The following ACACB variants were observed in gnomAD, a reference collection of about 807,000 sequenced individuals.
ACACB encodes the protein acetyl-CoA carboxylase 2.
In ACACB, 209 loss-of-function variants were observed where a neutral mutation model predicts 278.8. The observed-to-expected ratio is 0.75, with a 90% confidence interval of 0.67 to 0.84. The LOEUF (loss-of-function observed/expected upper bound fraction) is 0.84, where lower values mean the gene tolerates loss of function less well. ACACB is among the 40% of genes least tolerant of loss of function. The pLI, the probability that ACACB is intolerant of heterozygous loss-of-function variation, is 0.00. For synonymous variants in ACACB, 1,174 were observed against 1,285.6 expected, an observed-to-expected ratio of 0.91 and a Z score of 1.86; for missense variants, 2,850 against 3,269.0, an observed-to-expected ratio of 0.87 and a Z score of 3.13.
At chr12:109,146,569 A>G (rs1409117738) in intron 2 of ACACB, among the ~76,000 whole-genome samples, 7 of 151,664 alleles carry the variant, frequency 4.6e-5, no homozygotes, top group African/African-American at 1.7e-4. Context: ...CTTTCTCCCA[A>G]CCCCTGAACC....
upstream of ACACB, chr12:109,111,603 T>C (rs1282512475): frequency 4.6e-5 from 7 of 151,214 alleles, no homozygotes; most frequent in Admixed American, 2.0e-4. Flanking sequence ...TCGCTCAGGC[T>C]GAAGTACAGT....
chr12:109,123,045 G>C (rs1368279756), intron 1 of ACACB, among the ~76,000 whole-genome samples: 1 of 151,960 alleles, frequency 6.6e-6, no homozygotes, highest in Non-Finnish European at 1.5e-5. Flanking sequence ...GCCGGGCGTG[G>C]TGGCAGGTGC....
At position 109,168,029 on chromosome 12, in the gene ACACB, A is replaced by G. The variant is rs767124185; in HGVS notation, c.920A>G (p.Asn307Ser). The change falls in exon 4 of 53, where the codon AAC (asparagine) becomes AGC (serine). Residue 307 changes from asparagine (N) to serine (S), a missense_variant. Around this residue, in one of 3 missense-constraint regions of ACACB, gnomAD observed 2,265 missense variants for 2,561.3 expected, o/e 0.88. Transcript: ENST00000338432. ...VMVTPEDLKA[N>S]AEYIKMADHY... ...GTGACCCCCGAGGACCTTAAGGCCA[A>G]CGCAGGTACCTGGGCCTTGACCCTC... 2 of 1,607,706 alleles carry G rather than the reference A, an allele frequency of 1.2e-6. No homozygotes were observed. Among genetic ancestry groups the G allele is most frequent in the Admixed American group, 1.7e-5 (1 of 59,618 alleles).
chr12:109,235,716 G>A, intron 33 of ACACB, 69 bp downstream of exon 33: 1 of 1,422,584 alleles, frequency 7.0e-7, no homozygotes, highest in Non-Finnish European at 9.8e-7. Context: ...GATGGGATGG[G>A]GCCGGGTGTG....
intron 4 of ACACB, among the ~76,000 whole-genome samples, 175 bp from the exon 5 acceptor site, chr12:109,171,630 G>A (rs1325647159): frequency 1.3e-5 from 2 of 152,196 alleles, no homozygotes; most frequent in Non-Finnish European, 2.9e-5. Context: ...GATTACAGGC[G>A]TGAGCCACCA....
At chr12:109,232,875 C>G (rs377173883) in intron 29 of ACACB, 69 bp downstream of exon 29, 23 of 1,582,886 alleles carry the variant, frequency 1.5e-5, no homozygotes, top group East Asian at 2.2e-5. Flanking sequence ...TGAATCCCCC[C>G]CCAATTCACT....
chr12:109,176,684 T>C (rs2044292517), intron 9 of ACACB, among the ~76,000 whole-genome samples: 1 of 152,222 alleles, frequency 6.6e-6, no homozygotes, highest in Non-Finnish European at 1.5e-5. Flanking sequence ...TGGCACAATC[T>C]CAGCTCACTG....
At chr12:109,194,117 G>T (rs912920961) in intron 16 of ACACB, among the ~76,000 whole-genome samples, 1 of 152,282 alleles carries the variant, frequency 6.6e-6, no homozygotes, top group East Asian at 1.9e-4. Flanking sequence ...CCAGCTTCTG[G>T]TGCTGCTGGC....
upstream of ACACB, among the ~76,000 whole-genome samples, chr12:109,113,964 A>G (rs1207655999): frequency 6.6e-6 from 1 of 152,132 alleles, no homozygotes; most frequent in Non-Finnish European, 1.5e-5. Flanking sequence ...TTGTAGTTTA[A>G]GTCAATGGGA....
At chr12:109,249,792 C>A in intron 40 of ACACB, 192 bp from the exon 41 acceptor site, 1 of 540,876 alleles carries the variant, frequency 1.8e-6, no homozygotes, top group Non-Finnish European at 3.1e-6. Context: ...ATTGTTGATG[C>A]TGCACTTGCC....
chr12:109,236,124 GC>G, intron 33 of ACACB: 1 of 156,710 alleles, frequency 6.4e-6, no homozygotes, highest in Non-Finnish European at 1.4e-5. Flanking sequence ...ATGCCACCGT[GC>G]CTCCCAGCTC....
chr12:109,248,063 C>T (rs562655939), intron 40 of ACACB, among the ~76,000 whole-genome samples: 2 of 152,268 alleles, frequency 1.3e-5, no homozygotes, highest in East Asian at 1.9e-4. Context: ...GTCTGTTCTT[C>T]GAGAGCATTC....
intron 37 of ACACB, among the ~76,000 whole-genome samples, chr12:109,243,277 T>C (rs566528205): frequency 6.6e-6 from 1 of 152,282 alleles, no homozygotes; most frequent in East Asian, 1.9e-4. Flanking sequence ...GGTCACTGCC[T>C]TGAGTAATTT....
At chr12:109,167,183 G>A in intron 3 of ACACB, 190 bp downstream of exon 3, 2 of 665,408 alleles carry the variant, frequency 3.0e-6, no homozygotes, top group South Asian at 3.9e-5. Context: ...CTTTCAAAGG[G>A]CTATTGTGAG....
intron 24 of ACACB, among the ~76,000 whole-genome samples, chr12:109,221,337 G>A (rs1489656943): frequency 1.3e-5 from 2 of 152,170 alleles, no homozygotes; most frequent in Non-Finnish European, 2.9e-5. Context: ...CCGGGGTGGG[G>A]AATGGGGGCA....
intron 20 of ACACB, among the ~76,000 whole-genome samples, chr12:109,208,582 T>C (rs959207967): frequency 2.0e-5 from 3 of 152,086 alleles, no homozygotes; most frequent in Non-Finnish European, 2.9e-5. Flanking sequence ...ACAACCACAC[T>C]AGGATGTTGG....
chr12:109,199,176 C>T (rs753213403), intron 17 of ACACB, among the ~76,000 whole-genome samples: 8 of 151,620 alleles, frequency 5.3e-5, no homozygotes, highest in African/African-American at 1.5e-4. Flanking sequence ...GGCAACAGAG[C>T]GAGACTCCGT....
At position 109,179,263 on chromosome 12, in the gene ACACB, T is replaced by C; in HGVS notation, c.1613T>C (p.Ile538Thr). Residue 538 changes from isoleucine to threonine, a missense_variant, in exon 10 of 53, where the codon ATC becomes ACC. Physicochemically the swap from Ile to Thr is moderately conservative, Grantham distance 89 (BLOSUM62 -1). Around this residue, in one of 3 missense-constraint regions of ACACB, gnomAD observed 2,265 missense variants for 2,561.3 expected, o/e 0.88. Transcript: ENST00000338432. The stretch of plus-strand genomic sequence containing the variant: ...ATCGTTGAGGAAGCACCGGCCACCA[T>C]CGCCCCGCTGGCCATATTCGAGTTC... The part of the protein sequence containing the change: ...QKIVEEAPAT[I>T]APLAIFEFME... The C allele has an allele frequency of 6.2e-7, 1 of 1,613,732 alleles. No homozygotes were observed. Among genetic ancestry groups the C allele is most frequent in the South Asian group, 1.1e-5 (1 of 91,042 alleles).
At chr12:109,231,661 G>A (rs1038926190) in intron 28 of ACACB, among the ~76,000 whole-genome samples, 24 of 152,134 alleles carry the variant, frequency 1.6e-4, no homozygotes, top group African/African-American at 5.8e-4. Flanking sequence ...GACTTATTAG[G>A]GGGCAAGGAT....
Sources: gnomAD v4.1 joint callset for allele counts (sites outside exome capture counted in the v4.1 genomes callset) on GRCh38, gnomAD v4.1.1 for gene constraint, gnomAD v4.1.1 regional missense constraint, MANE v1.5 for transcripts, NCBI Gene and HGNC (gene_info 2026-07-23, HGNC 2026-07-21) for gene names.